RNF144A: variants seen among roughly 807,000 people sequenced by gnomAD.
RNF144A encodes the protein E3 ubiquitin-protein ligase RNF144A.
Under a neutral mutation model 38.7 loss-of-function variants are expected in RNF144A, and 11 were observed. The observed-to-expected ratio is 0.28, with a 90% CI of 0.18 to 0.47. The LOEUF (loss-of-function observed/expected upper bound fraction) is 0.47. RNF144A is among the 20% of genes least tolerant of loss of function. The pLI, the probability that RNF144A is intolerant of heterozygous loss-of-function variation, is 0.99. For missense variants in RNF144A, 316 were observed against 377.2 expected (o/e 0.84, Z 1.34); for synonymous variants, 149 against 143.9 (o/e 1.04, Z -0.25).
At chr2:7,017,342 G>A (rs1213605731) in intron 5 of RNF144A, among the ~76,000 whole-genome samples, 1 of 144,888 alleles carries the variant, frequency 6.9e-6, no homozygotes, top group Non-Finnish European at 1.5e-5. Context: ...TTAAAGTAAA[G>A]CTCAGAGAGA....
intron 6 of RNF144A, among the ~76,000 whole-genome samples, chr2:7,067,070 G>A (rs1360529069): frequency 1.3e-5 from 2 of 152,158 alleles, no homozygotes; most frequent in Non-Finnish European, 2.9e-5. Context: ...CTTATTTTTG[G>A]TAGGAATGGG....
chr2:6,968,615 C>G (rs1198458741), intron 2 of RNF144A, among the ~76,000 whole-genome samples: 1 of 152,180 alleles, frequency 6.6e-6, no homozygotes, highest in African/African-American at 2.4e-5. Flanking sequence ...ATTCTCATCA[C>G]AAGAAACAAA....
chr2:7,000,721 T>C (rs996813143), intron 3 of RNF144A, among the ~76,000 whole-genome samples: 3 of 152,092 alleles, frequency 2.0e-5, no homozygotes, highest in Non-Finnish European at 4.4e-5. Flanking sequence ...TCCCTAGTTA[T>C]CTGGGAAGGT....
intron 8 of RNF144A, among the ~76,000 whole-genome samples, chr2:7,035,729 T>G (rs554171359): frequency 1.2e-4 from 19 of 152,238 alleles, no homozygotes; most frequent in Admixed American, 3.3e-4. Context: ...TCAGTAAGAT[T>G]ATTCTAAGAG....
intron 6 of RNF144A, among the ~76,000 whole-genome samples, chr2:7,063,818 C>T (rs747239917): frequency 2.2e-4 from 34 of 152,318 alleles, no homozygotes; most frequent in Admixed American, 1.7e-3. Context: ...ATAAGGAGAT[C>T]GTTAGTGGTG....
downstream of RNF144A, among the ~76,000 whole-genome samples, chr2:7,045,833 T>A (rs548521560): frequency 6.6e-6 from 1 of 152,178 alleles, no homozygotes; most frequent in East Asian, 1.9e-4. Flanking sequence ...TCAGGTGCAG[T>A]CCAGAAGCAG....
At chr2:6,947,287 A>G (rs533895092) in intron 2 of RNF144A, among the ~76,000 whole-genome samples, 35 of 152,206 alleles carry the variant, frequency 2.3e-4, no homozygotes, top group African/African-American at 7.7e-4. Flanking sequence ...TAATTATATA[A>G]TCATTACAAT....
At chr2:7,010,136 C>G (rs1051534990) in intron 3 of RNF144A, among the ~76,000 whole-genome samples, 1 of 152,184 alleles carries the variant, frequency 6.6e-6, no homozygotes, top group Non-Finnish European at 1.5e-5. Context: ...CCTTGCGGAG[C>G]GTGTAAGCAA....
At chr2:6,946,268 C>T (rs999617143) in intron 2 of RNF144A, among the ~76,000 whole-genome samples, 31 of 152,160 alleles carry the variant, frequency 2.0e-4, no homozygotes, top group African/African-American at 7.5e-4. Context: ...TCATCAATAA[C>T]TTCTAATTTT....
intron 2 of RNF144A, among the ~76,000 whole-genome samples, chr2:6,977,717 C>T (rs949260043): frequency 6.6e-6 from 1 of 152,196 alleles, no homozygotes; most frequent in African/African-American, 2.4e-5. Flanking sequence ...TTATGGAGCA[C>T]TTCCTCTATG....
intron 2 of RNF144A, among the ~76,000 whole-genome samples, chr2:6,989,986 A>G (rs992433619): frequency 6.6e-6 from 1 of 152,220 alleles, no homozygotes; most frequent in Non-Finnish European, 1.5e-5. Context: ...ACAATTAGCT[A>G]TTAACATCCC....
chr2:6,947,906 T>C (rs1666441670), intron 2 of RNF144A, among the ~76,000 whole-genome samples: 1 of 152,214 alleles, frequency 6.6e-6, no homozygotes, highest in South Asian at 2.1e-4. Context: ...AAGGATCAGA[T>C]GTATTGAAGG....
At chr2:7,002,299 C>T (rs560709537) in intron 3 of RNF144A, among the ~76,000 whole-genome samples, 1 of 152,120 alleles carries the variant, frequency 6.6e-6, no homozygotes, top group Non-Finnish European at 1.5e-5. Context: ...GCCCTGGGTA[C>T]GTAGGTAAGA....
At position 6,996,984 on chromosome 2, in the gene RNF144A, T is replaced by C; in HGVS notation, c.58T>C (p.Cys20Arg). Residue 20 changes from cysteine (C) to arginine (R), a missense_variant, in exon 3 of 9, where the codon TGC (cysteine) becomes CGC (arginine). Physicochemically the swap from Cys to Arg is radical, Grantham distance 180 (BLOSUM62 -3). Transcript: ENST00000320892. Reference protein sequence around the residue: ...WDLALDPLVSCKLCLGEYPVE... With the variant: ...WDLALDPLVSRKLCLGEYPVE... ...CCTGGCCCTCGACCCGCTGGTGTCT[T>C]GCAAGCTCTGTCTTGGGGAGTACCC... The C allele has an allele frequency of 5.6e-6, 9 of 1,614,170 alleles. No homozygotes were observed. Among genetic ancestry groups the C allele is most frequent in the Non-Finnish European group, 7.6e-6 (9 of 1,179,990 alleles).
chr2:7,058,338 GAAAAAAA>G (rs376684925), intron 6 of RNF144A, among the ~76,000 whole-genome samples: 1 of 105,992 alleles, frequency 9.4e-6, no homozygotes, highest in Admixed American at 1.1e-4. Context: ...TGGGGGAACT[GAAAAAAA>G]AAAAAAAAAA....
intron 2 of RNF144A, among the ~76,000 whole-genome samples, chr2:6,976,833 A>C (rs1177322586): frequency 6.6e-6 from 1 of 152,134 alleles, no homozygotes; most frequent in African/African-American, 2.4e-5. Flanking sequence ...AAATTATACC[A>C]AAAGGCTATT....
intron 2 of RNF144A, among the ~76,000 whole-genome samples, chr2:6,978,071 C>A (rs76345322): frequency 1.3e-5 from 2 of 152,144 alleles, no homozygotes; most frequent in East Asian, 1.9e-4. Context: ...TCATCCTCAA[C>A]AGGGGCTAGT....
chr2:6,937,546 T>A (rs1665670230), intron 1 of RNF144A, among the ~76,000 whole-genome samples: 1 of 152,250 alleles, frequency 6.6e-6, no homozygotes, highest in Non-Finnish European at 1.5e-5. Context: ...TCTTCTTACC[T>A]GGGAAAAATG....
At chr2:6,985,915 C>A (rs1311488372) in intron 2 of RNF144A, among the ~76,000 whole-genome samples, 1 of 152,156 alleles carries the variant, frequency 6.6e-6, no homozygotes, top group Non-Finnish European at 1.5e-5. Context: ...ACCTCATGAT[C>A]CGCCCACCTC....
Sources: gnomAD v4.1 joint callset for allele counts (sites outside exome capture counted in the v4.1 genomes callset) on GRCh38, gnomAD v4.1.1 for gene constraint, MANE v1.5 for transcripts, NCBI Gene and HGNC (gene_info 2026-07-23, HGNC 2026-07-21) for gene names.